The following USP28 variants were observed in gnomAD, a reference collection of about 807,000 sequenced individuals.
USP28 encodes ubiquitin specific peptidase 28.
Under a neutral mutation model 145.0 loss-of-function variants are expected in USP28, and 113 were observed. The ratio of observed to expected loss-of-function variants is 0.78; its 90% CI spans 0.67 to 0.91. USP28 has a LOEUF of 0.91. USP28 is among the 40% of genes least tolerant of loss of function. USP28 has a pLI of 0.00. For missense variants in USP28, 1,201 were observed against 1,289.6 expected, an observed-to-expected ratio of 0.93 and a Z score of 1.05; for synonymous variants, 447 against 450.9, an observed-to-expected ratio of 0.99 and a Z score of 0.11.
chr11:113,844,085 C>G (rs1945537533), intron 3 of USP28, among the ~76,000 whole-genome samples: 1 of 151,992 alleles, frequency 6.6e-6, no homozygotes, highest in African/African-American at 2.4e-5. Flanking sequence ...ACATCCAGAG[C>G]ATAAGGAACC....
chr11:113,798,070 T>TTG (rs1452641016), exon 25 of USP28: 49 of 65,838 alleles, frequency 7.4e-4, no homozygotes, highest in African/African-American at 1.8e-3. Flanking sequence ...ATGCTGGTTT[T>TTG]TTTTTTTTTT....
Position 113,834,240 on chromosome 11 carries a change from C to G in USP28, c.621+9G>C. The G allele has an allele frequency of 6.2e-7, 1 of 1,602,594 alleles. No homozygotes were observed. Among genetic ancestry groups the G allele is most frequent in the Admixed American group, 1.7e-5 (1 of 58,954 alleles). On this transcript the variant is annotated intron_variant, in intron 6 of 24. Coordinates refer to ENST00000003302, the Ensembl canonical transcript of USP28. ...ACAACAGTGAAGAAATTCCTTGACA[C>G]CAACTTACTGTATGACTTCGACAAT... is the stretch of plus-strand genomic sequence containing the variant.
chr11:113,835,691 G>C (rs1027474735), intron 5 of USP28, among the ~76,000 whole-genome samples: 1 of 152,148 alleles, frequency 6.6e-6, no homozygotes, highest in Non-Finnish European at 1.5e-5. Context: ...ACATTCTTGA[G>C]TTTCTATTCT....
chr11:113,803,043 G>A lies in USP28; in HGVS notation c.2862+115C>T. On this transcript the variant is annotated intron_variant, in intron 23 of 24. Transcript: ENST00000003302. ...GTAAAACTGTTCATGAGAATTTTGG[G>A]GGGAAATCTACAACCTGTTGGAGAT... 2.5e-6 allele frequency: 3 copies of A among 1,213,158 alleles called. No individual in the cohort carries two copies. In the South Asian group the frequency reaches 7.0e-5, roughly 28 times the overall value. The allele number at this position is 1,213,158 out of a possible 1,614,324, so 75.1% of individuals were successfully genotyped here. A position where few individuals can be genotyped will look rare whatever the true frequency, so the allele number is the denominator to read the frequency against.
chr11:113,811,619 C>T (rs748504451), intron 16 of USP28, among the ~76,000 whole-genome samples: 6 of 151,900 alleles, frequency 3.9e-5, no homozygotes, highest in Non-Finnish European at 7.4e-5. Context: ...ACCTGGCAGG[C>T]GGAGGTTGCA....
At chr11:113,826,209 G>C (rs1049623251) in intron 11 of USP28, among the ~76,000 whole-genome samples, 6 of 150,126 alleles carry the variant, frequency 4.0e-5, no homozygotes, top group Admixed American at 6.6e-5. Context: ...CTTGAACCCG[G>C]GAAGCAGAGG....
intron 3 of USP28, among the ~76,000 whole-genome samples, chr11:113,844,720 T>C (rs1247193274): frequency 6.6e-6 from 1 of 152,050 alleles, no homozygotes; most frequent in African/African-American, 2.4e-5. Context: ...TTCACACCCA[T>C]AGGGACAGCT....
intron 1 of USP28, among the ~76,000 whole-genome samples, chr11:113,855,737 C>A (rs894411676): frequency 2.0e-5 from 3 of 152,048 alleles, no homozygotes; most frequent in Admixed American, 6.6e-5. Flanking sequence ...ACCAACATGG[C>A]CCCGTCTCTA....
chr11:113,852,056 T>C (rs977701579), intron 3 of USP28, among the ~76,000 whole-genome samples: 1 of 152,052 alleles, frequency 6.6e-6, no homozygotes, highest in Non-Finnish European at 1.5e-5. Context: ...AGAGACGGAG[T>C]CTTGCTCTGT....
rs147339380 is a variant in USP28, at chr11:113,806,492, A to C, written c.2397T>G (p.Ile799Met). ...AGAATTTTAAAAACAGAGATACCTT[A>C]ATCAGCCCTGCTTCAGACCCATCTC... is the stretch of plus-strand genomic sequence containing the variant. The change falls in exon 19 of 25, where the codon ATT becomes ATG. Residue 799 changes from isoleucine to methionine, a missense_variant. Transcript: ENST00000003302. The C allele has an allele frequency of 6.8e-6, 11 of 1,611,004 alleles. No individual in the cohort carries two copies. In the African/African-American group the frequency reaches 1.2e-4, roughly 18 times the overall value.
chr11:113,854,505 G>A (rs981445581), intron 1 of USP28, among the ~76,000 whole-genome samples, 170 bp from the exon 2 acceptor site: 2 of 152,158 alleles, frequency 1.3e-5, no homozygotes. Flanking sequence ...AGGTTCAAGC[G>A]ATTCTCCTGC....
At chr11:113,829,446 T>C in intron 9 of USP28, 101 bp from the exon 10 acceptor site, 1 of 1,436,238 alleles carries the variant, frequency 7.0e-7, no homozygotes, top group Non-Finnish European at 9.5e-7. Context: ...AGCAACTTCC[T>C]GATAGCTGGT....
chr11:113,864,118 G>A (rs367657943), intron 1 of USP28, among the ~76,000 whole-genome samples: 1 of 151,980 alleles, frequency 6.6e-6, no homozygotes, highest in Non-Finnish European at 1.5e-5. Flanking sequence ...GCATGTGCCT[G>A]TAGTCCCAGC....
chr11:113,871,223 C>T lies in USP28; in HGVS notation c.57+4222G>A, dbSNP rs116022589. 9.0e-3 allele frequency among the ~76,000 whole-genome samples: 1,377 copies of T among 152,286 alleles called. 16 individuals carry two copies. The highest frequency in any genetic ancestry group is 0.032 in the African/African-American group (1,312 of 41,540). Reference sequence around the variant, plus strand: ...CAGCTGGAGAGGCAGAGCAAGCTGGCTCTAGCACACTCAACTTTCTGCATG... The same window carrying T: ...CAGCTGGAGAGGCAGAGCAAGCTGGTTCTAGCACACTCAACTTTCTGCATG... On this transcript the variant is annotated intron_variant, in intron 1 of 24. Coordinates refer to ENST00000003302, the Ensembl canonical transcript of USP28.
At chr11:113,808,737 T>C (rs549924839) in intron 17 of USP28, among the ~76,000 whole-genome samples, 1 of 152,234 alleles carries the variant, frequency 6.6e-6, no homozygotes, top group Non-Finnish European at 1.5e-5. Flanking sequence ...AAGCATCTTT[T>C]AGGAAGATCA....
At chr11:113,823,671 C>T (rs772411866) in exon 12 of USP28, 8 of 1,611,846 alleles carry the variant, frequency 5.0e-6, no homozygotes, top group East Asian at 4.5e-5. Flanking sequence ...TCTCTTATTT[C>T]GAATAAGCTC....
At chr11:113,863,996 T>C (rs1438771440) in intron 1 of USP28, among the ~76,000 whole-genome samples, 1 of 149,620 alleles carries the variant, frequency 6.7e-6, no homozygotes, top group Non-Finnish European at 1.5e-5. Context: ...CCCAGCACTT[T>C]GGGAAGCTGA....
intron 22 of USP28, 70 bp downstream of exon 23, chr11:113,803,728 T>G: frequency 7.8e-7 from 1 of 1,278,088 alleles, no homozygotes; most frequent in Non-Finnish European, 1.1e-6. Context: ...ACTCTTAGTA[T>G]TCCCAGGTAG....
chr11:113,853,601 G>A (rs148468034), intron 2 of USP28, among the ~76,000 whole-genome samples: 1 of 152,184 alleles, frequency 6.6e-6, no homozygotes, highest in African/African-American at 2.4e-5. Context: ...ATGGCCCGGC[G>A]TGGTGGCTCA....
Sources: gnomAD v4.1 joint callset for allele counts (sites outside exome capture counted in the v4.1 genomes callset) on GRCh38, gnomAD v4.1.1 for gene constraint, MANE v1.5 for transcripts, NCBI Gene and HGNC (gene_info 2026-07-23, HGNC 2026-07-21) for gene names.